Variants in ASAP3 observed in about 807,000 individuals in gnomAD.
ASAP3 encodes arf-GAP with SH3 domain, ANK repeat and PH domain-containing protein 3.
Under a neutral mutation model 118.2 loss-of-function variants are expected in ASAP3, and 85 were observed. The ratio of observed to expected loss-of-function variants is 0.72; its 90% CI spans 0.60 to 0.86. The LOEUF (loss-of-function observed/expected upper bound fraction) is 0.86. Ranked by LOEUF, ASAP3 falls within the 40% of genes least tolerant of loss-of-function variation. The pLI is 0.00. For missense variants in ASAP3, 1,026 were observed against 1,175.0 expected (o/e 0.87, Z 1.85); for synonymous variants, 432 against 477.4 (o/e 0.90, Z 1.24).
chr1:23,470,355 G>A (rs778964317), intron 1 of ASAP3, among the ~76,000 whole-genome samples: 2 of 152,204 alleles, frequency 1.3e-5, no homozygotes, highest in African/African-American at 4.8e-5. Context: ...AGTCCAGGCT[G>A]GGGCAGAAGG....
chr1:23,440,560 G>C (rs757353459), intron 10 of ASAP3, among the ~76,000 whole-genome samples: 11 of 120,074 alleles, frequency 9.2e-5, no homozygotes, highest in Non-Finnish European at 1.5e-4. Context: ...GTTGCAATAA[G>C]TGTTAGCTAC....
chr1:23,454,280 G>A (rs965612287), intron 3 of ASAP3, among the ~76,000 whole-genome samples: 8 of 150,742 alleles, frequency 5.3e-5, no homozygotes, highest in African/African-American at 1.5e-4. Flanking sequence ...TCCGCCTCCC[G>A]GGTTCAAGTG....
chr1:23,471,676 C>G (rs1458338256), intron 1 of ASAP3, among the ~76,000 whole-genome samples: 2 of 152,216 alleles, frequency 1.3e-5, no homozygotes, highest in African/African-American at 4.8e-5. Context: ...CACAGCTTCT[C>G]TGATAGATGT....
At chr1:23,456,955 G>C (rs1480617083) in intron 1 of ASAP3, among the ~76,000 whole-genome samples, 1 of 152,222 alleles carries the variant, frequency 6.6e-6, no homozygotes, top group Non-Finnish European at 1.5e-5. Flanking sequence ...GGAAAGGCCA[G>C]AGATGTGATG....
chr1:23,480,032 G>A (rs1299097536), intron 1 of ASAP3: 3 of 151,854 alleles, frequency 2.0e-5, no homozygotes, highest in African/African-American at 2.4e-5. Context: ...AAATTAAGCC[G>A]GCGCCAGTAA....
In ASAP3 at chr1:23,441,184, A is replaced by G; in HGVS notation, c.862T>C (p.Cys288Arg). 6.2e-7 allele frequency: 1 copy of G among 1,614,194 alleles called. No individual in the cohort carries two copies. Among genetic ancestry groups the G allele is most frequent in the South Asian group, 1.1e-5 (1 of 91,086 alleles). ...EEHLSRKNSG[C>R]GYSIHQHQGN... ...TGGTGCTGGTGGATGCTATAGCCAC[A>G]TCCTGAGTTCTTCCGGCTCAGGTGT... Residue 288 changes from cysteine to arginine, a missense_variant, in exon 10 of 25, where the codon TGT (cysteine) becomes CGT (arginine). Transcript: ENST00000336689.
chr1:23,452,371 A>C (rs1487068514), intron 4 of ASAP3, among the ~76,000 whole-genome samples: 2 of 152,292 alleles, frequency 1.3e-5, no homozygotes, highest in East Asian at 3.9e-4. Context: ...TCTACTTCCT[A>C]GTTATGTAAA....
At chr1:23,474,534 T>G (rs932531500) in intron 1 of ASAP3, among the ~76,000 whole-genome samples, 2 of 152,136 alleles carry the variant, frequency 1.3e-5, no homozygotes, top group African/African-American at 4.8e-5. Flanking sequence ...CTGGGCCTTC[T>G]TCGTTCCTCT....
intron 1 of ASAP3, among the ~76,000 whole-genome samples, chr1:23,462,998 C>T (rs1641645983): frequency 6.6e-6 from 1 of 152,116 alleles, no homozygotes; most frequent in Admixed American, 6.5e-5. Flanking sequence ...AGAGACTACA[C>T]TATGAGGTAG....
At chr1:23,465,905 T>C (rs142530660) in intron 1 of ASAP3, among the ~76,000 whole-genome samples, 1 of 152,284 alleles carries the variant, frequency 6.6e-6, no homozygotes, top group Non-Finnish European at 1.5e-5. Flanking sequence ...TATTTGATCT[T>C]GGGACTGGAT....
At chr1:23,477,280 G>A (rs1314299793) in intron 1 of ASAP3, among the ~76,000 whole-genome samples, 2 of 150,648 alleles carry the variant, frequency 1.3e-5, no homozygotes, top group African/African-American at 4.9e-5. Flanking sequence ...GGGAGGCTGA[G>A]GCAGGAGAAT....
intron 1 of ASAP3, among the ~76,000 whole-genome samples, chr1:23,467,988 C>T (rs1641831643): frequency 6.7e-6 from 1 of 149,010 alleles, no homozygotes; most frequent in South Asian, 2.2e-4. Context: ...AAAAAAAATA[C>T]AACCTAAAAC....
chr1:23,461,771 G>C (rs1641595802), intron 1 of ASAP3, among the ~76,000 whole-genome samples: 1 of 152,160 alleles, frequency 6.6e-6, no homozygotes, highest in Non-Finnish European at 1.5e-5. Flanking sequence ...CTAGAGCTCA[G>C]GCAGCAATCC....
Position 23,484,020 on chromosome 1 carries a change from C to G in ASAP3, c.114G>C (p.Ala38=). The change falls in exon 1 of 25, where the codon GCG becomes GCC. Residue 38 remains alanine, a synonymous_variant. Transcript: ENST00000336689. ...AAKMPRYRGA[A]LAREEILEGD... The stretch of plus-strand genomic sequence containing the variant: ...GCCCCCTCACCTCCTCCCGCGCCAG[C>G]GCCGCCCCTCGGTACCGGGGCATCT... 1 of 1,299,262 alleles carries G rather than the reference C, an allele frequency of 7.7e-7. No homozygotes were observed. Among genetic ancestry groups the G allele is most frequent in the Non-Finnish European group, 9.8e-7 (1 of 1,025,284 alleles). The allele number at this position is 1,299,262 out of a possible 1,614,324, so 80.5% of individuals were successfully genotyped here. A position where few individuals can be genotyped will look rare whatever the true frequency, so the allele number is the denominator to read the frequency against.
chr1:23,450,440 TATG>T (rs1427783641), intron 5 of ASAP3, among the ~76,000 whole-genome samples: 1 of 152,234 alleles, frequency 6.6e-6, no homozygotes, highest in East Asian at 1.9e-4. Flanking sequence ...AGTATGTTGT[TATG>T]ATCTCATTTT....
chr1:23,452,103 C>T (rs1641234530), intron 4 of ASAP3, among the ~76,000 whole-genome samples: 1 of 152,204 alleles, frequency 6.6e-6, no homozygotes, highest in Non-Finnish European at 1.5e-5. Context: ...CTGAACAACC[C>T]CGAGACTCCC....
chr1:23,434,049 C>A (rs1640543646), intron 19 of ASAP3, among the ~76,000 whole-genome samples: 1 of 152,160 alleles, frequency 6.6e-6, no homozygotes, highest in African/African-American at 2.4e-5. Flanking sequence ...ATATTATTTT[C>A]TTTTTTCTTT....
At chr1:23,469,290 A>G (rs1388248515) in intron 1 of ASAP3, among the ~76,000 whole-genome samples, 1 of 152,190 alleles carries the variant, frequency 6.6e-6, no homozygotes, top group Non-Finnish European at 1.5e-5. Flanking sequence ...TGAGCAACAG[A>G]GCGAGACCCT....
chr1:23,459,521 G>C (rs1026868275), intron 1 of ASAP3, among the ~76,000 whole-genome samples: 9 of 152,290 alleles, frequency 5.9e-5, no homozygotes, highest in Admixed American at 4.6e-4. Context: ...GGACCAATCA[G>C]ATTCTCTCTC....
Sources: allele counts gnomAD v4.1 joint callset (sites outside exome capture counted in the v4.1 genomes callset), GRCh38; gene constraint gnomAD v4.1.1; transcripts MANE v1.5; gene names NCBI Gene and HGNC (gene_info 2026-07-23, HGNC 2026-07-21).